GABRR3: variants seen among roughly 807,000 people sequenced by gnomAD.
GABRR3 encodes the protein gamma-aminobutyric acid receptor subunit rho-3.
GABRR3 carries 29 observed loss-of-function variants against 43.2 expected under a neutral mutation model. The observed-to-expected ratio is 0.67, with a 90% confidence interval of 0.50 to 0.92. The LOEUF (loss-of-function observed/expected upper bound fraction) is 0.92, where lower values mean the gene tolerates loss of function less well. GABRR3 is among the 40% of genes least tolerant of loss of function. GABRR3 has a pLI of 0.00. For missense variants in GABRR3, 576 were observed against 572.3 expected, an observed-to-expected ratio of 1.01 and a Z score of -0.07; for synonymous variants, 206 against 195.9, an observed-to-expected ratio of 1.05 and a Z score of -0.43.
rs992254805 is a variant in GABRR3 at position 98,004,273 on chromosome 3, G to C, written c.755-2506C>G. ...TTTATTGAGCCTCTATTATATGGCA[G>C]ATAACATTCTAAGGTACTTAACTAT... On this transcript the variant is annotated intron_variant, in intron 7 of 9. Coordinates refer to ENST00000621172, the Ensembl canonical transcript of GABRR3. 3.3e-5 allele frequency among the ~76,000 whole-genome samples: 5 copies of C among 152,246 alleles called. No individual in the cohort carries two copies. The East Asian group carries it at 9.7e-4, about 30-fold the overall frequency.
intron 7 of GABRR3, among the ~76,000 whole-genome samples, chr3:98,003,028 C>T (rs932231559): frequency 6.6e-6 from 1 of 152,120 alleles, no homozygotes; most frequent in African/African-American, 2.4e-5. Flanking sequence ...TAGTTCTAAG[C>T]TTCTAACAGT....
intron 7 of GABRR3, among the ~76,000 whole-genome samples, chr3:98,005,479 C>T (rs1308298425): frequency 6.6e-6 from 1 of 152,018 alleles, no homozygotes; most frequent in African/African-American, 2.4e-5. Context: ...AAAAATGTAA[C>T]TACCTTTGAA....
chr3:98,016,433 G>A (rs1050829190), intron 4 of GABRR3, among the ~76,000 whole-genome samples: 7 of 151,944 alleles, frequency 4.6e-5, no homozygotes, highest in African/African-American at 1.7e-4. Flanking sequence ...TCCACCATGA[G>A]TAGAAGCTTC....
intron 3 of GABRR3, among the ~76,000 whole-genome samples, chr3:98,019,297 A>G (rs895955311): frequency 3.9e-5 from 6 of 152,184 alleles, no homozygotes; most frequent in Non-Finnish European, 7.4e-5. Flanking sequence ...CTTTAAATGC[A>G]TAATACTATA....
intron 8 of GABRR3, 84 bp downstream of exon 8, chr3:98,001,531 T>C (rs1448654860): frequency 7.0e-7 from 1 of 1,425,046 alleles, no homozygotes; most frequent in African/African-American, 1.4e-5. Flanking sequence ...CACTCTCTTT[T>C]CCTCTCCATG....
intron 6 of GABRR3, 153 bp downstream of exon 6, chr3:98,008,798 CAAAAA>C (rs57502092): frequency 1.1e-3 from 120 of 113,838 alleles, no homozygotes; most frequent in Non-Finnish European, 1.7e-3. Flanking sequence ...AAACAGAAAC[CAAAAA>C]AAAAAAAAAA....
chr3:98,024,366 C>CAAAAAA (rs35090836), intron 3 of GABRR3, among the ~76,000 whole-genome samples: 238 of 41,776 alleles, frequency 5.7e-3, no homozygotes, highest in Middle Eastern at 0.012. Flanking sequence ...GACTCCGTCT[C>CAAAAAA]AAAAAAAAAA....
intron 6 of GABRR3, among the ~76,000 whole-genome samples, chr3:98,008,544 A>G (rs1706750686): frequency 1.3e-5 from 2 of 152,146 alleles, no homozygotes; most frequent in South Asian, 4.1e-4. Flanking sequence ...GTCTATGTCT[A>G]GAGTCAGATT....
At chr3:98,027,236 A>G (rs1248847079) in intron 2 of GABRR3, among the ~76,000 whole-genome samples, 1 of 152,148 alleles carries the variant, frequency 6.6e-6, no homozygotes, top group Non-Finnish European at 1.5e-5. Flanking sequence ...CATCCAAATT[A>G]TGCTCTGTTT....
chr3:98,018,140 T>C (rs1292769150), intron 3 of GABRR3, among the ~76,000 whole-genome samples: 2 of 152,118 alleles, frequency 1.3e-5, no homozygotes, highest in Non-Finnish European at 2.9e-5. Context: ...TCATATCTCA[T>C]AGTCAGGGAG....
At chr3:98,004,517 C>T (rs1173492964) in intron 7 of GABRR3, among the ~76,000 whole-genome samples, 4 of 151,842 alleles carry the variant, frequency 2.6e-5, no homozygotes, top group South Asian at 2.1e-4. Context: ...TCAATGCATC[C>T]CTTAGGGGCA....
intron 6 of GABRR3, among the ~76,000 whole-genome samples, chr3:98,008,655 A>G (rs1706751578): frequency 6.6e-6 from 1 of 152,178 alleles, no homozygotes; most frequent in South Asian, 2.1e-4. Context: ...CAGTCTATGT[A>G]ACAACAGTAG....
chr3:98,006,153 A>T (rs1041227170), intron 7 of GABRR3, among the ~76,000 whole-genome samples: 3 of 152,118 alleles, frequency 2.0e-5, no homozygotes, highest in Non-Finnish European at 4.4e-5. Context: ...ATATCAAAAT[A>T]ATAATATAGT....
At chr3:98,001,916 T>G in intron 7 of GABRR3, 149 bp from the exon 8 acceptor site, 1 of 739,414 alleles carries the variant, frequency 1.4e-6, no homozygotes, top group Admixed American at 2.8e-5. Flanking sequence ...TGGCACTCCA[T>G]CAACATTTGT....
intron 3 of GABRR3, among the ~76,000 whole-genome samples, chr3:98,024,940 C>T (rs1019689135): frequency 2.0e-5 from 3 of 152,184 alleles, no homozygotes; most frequent in East Asian, 3.8e-4. Flanking sequence ...TACCTGCCAT[C>T]GCAGCTCAGC....
intron 3 of GABRR3, among the ~76,000 whole-genome samples, chr3:98,022,799 A>G (rs1706964280): frequency 6.6e-6 from 1 of 152,188 alleles, no homozygotes; most frequent in South Asian, 2.1e-4. Context: ...TAAGTAGCAC[A>G]TTTCAATTGC....
intron 8 of GABRR3, among the ~76,000 whole-genome samples, chr3:97,993,267 A>T (rs1264727827): frequency 6.6e-6 from 1 of 152,184 alleles, no homozygotes; most frequent in Admixed American, 6.5e-5. Context: ...CCTATTATCC[A>T]GAAGGTTTCC....
chr3:98,018,421 A>G (rs936626328), intron 3 of GABRR3, among the ~76,000 whole-genome samples: 25 of 152,218 alleles, frequency 1.6e-4, no homozygotes, highest in African/African-American at 5.3e-4. Context: ...GAATTGGAGC[A>G]ATTTCAGACA....
At chr3:98,001,681 T>G in exon 8 of GABRR3, 1 of 1,613,350 alleles carries the variant, frequency 6.2e-7, no homozygotes, top group Non-Finnish European at 8.5e-7. Flanking sequence ...AGCATCACCA[T>G]CAATATGGCT....
Sources: gnomAD v4.1 joint callset for allele counts (sites outside exome capture counted in the v4.1 genomes callset) on GRCh38, gnomAD v4.1.1 for gene constraint, MANE v1.5 for transcripts, NCBI Gene and HGNC (gene_info 2026-07-23, HGNC 2026-07-21) for gene names.